KCNQ1: variants seen among roughly 807,000 people sequenced by gnomAD.
KCNQ1 encodes potassium voltage-gated channel subfamily Q member 1.
KCNQ1 carries 49 observed loss-of-function variants against 72.4 expected under a neutral mutation model. The observed-to-expected ratio is 0.68, with a 90% confidence interval of 0.54 to 0.86. The LOEUF (loss-of-function observed/expected upper bound fraction) is 0.86. KCNQ1 is among the 40% of genes least tolerant of loss of function. The pLI is 0.00. For synonymous variants in KCNQ1, 450 were observed against 412.6 expected, an observed-to-expected ratio of 1.09 and a Z score of -1.10; for missense variants, 790 against 945.1, an observed-to-expected ratio of 0.84 and a Z score of 2.15.
rs887187839 is a variant in KCNQ1 at position 2,682,515 on chromosome 11, C to T, written c.1514+20434C>T. ...GTGAGTGAGTGAGTGAGTACTTGTG[C>T]CCAGGTCAAACCAGGTGCTAGGACC... On this transcript the variant is annotated intron_variant, in intron 11 of 15. Coordinates refer to ENST00000155840, the MANE Select transcript of KCNQ1 (RefSeq NM_000218.3). The surrounding 1 kb of genome is among the most constrained non-coding windows in gnomAD (Gnocchi z 5.8). 1.4e-5 allele frequency: 5 copies of T among 353,922 alleles called. No individual in the cohort carries two copies. The highest frequency in any genetic ancestry group is 1.3e-4 in the African/African-American group (5 of 37,390). The allele number at this position is 353,922 out of a possible 1,614,324, so 21.9% of individuals were successfully genotyped here.
In KCNQ1 at chr11:2,668,318, T is replaced by C; in HGVS notation, c.1514+6237T>C. 1 of 398,654 alleles carries C rather than the reference T, an allele frequency of 2.5e-6. No individual in the cohort carries two copies. The highest frequency in any genetic ancestry group is 4.4e-6 in the Non-Finnish European group (1 of 226,088). The allele number at this position is 398,654 out of a possible 1,614,324, so 24.7% of individuals were successfully genotyped here. On this transcript the variant is annotated intron_variant, in intron 11 of 15. Coordinates refer to ENST00000155840, the MANE Select transcript of KCNQ1 (RefSeq NM_000218.3). This position sits in a 1 kb window ranked among gnomAD's most constrained non-coding sequence, Gnocchi z 4.3. ...TCAGGTTGCGTTTCTGGGGAATATATGCCTATGTGTGGAGCTGCAGGGTCC... is the reference window on the plus strand; with the variant it reads ...TCAGGTTGCGTTTCTGGGGAATATACGCCTATGTGTGGAGCTGCAGGGTCC...
At chr11:2,802,058 G>A (rs369130210) in intron 15 of KCNQ1, among the ~76,000 whole-genome samples, 172 of 152,344 alleles carry the variant, frequency 1.1e-3, no homozygotes, top group Non-Finnish European at 8.7e-4. Flanking sequence ...GCTGCGGAGC[G>A]GGGCGCGGTG....
At chr11:2,511,214 A>G (rs7952222) in intron 1 of KCNQ1, among the ~76,000 whole-genome samples, 118,191 of 152,114 alleles carry the variant, frequency 0.78, 46,220 homozygotes, top group African/African-American at 0.86. Flanking sequence ...CTTGGGTGTG[A>G]CTGTCACGGA....
At chr11:2,801,273 C>T (rs920272123) in intron 15 of KCNQ1, among the ~76,000 whole-genome samples, 20 of 152,350 alleles carry the variant, frequency 1.3e-4, no homozygotes, top group South Asian at 1.2e-3. Flanking sequence ...CTCGGGGTGC[C>T]GGACCCTGCC....
At chr11:2,629,704 T>C (rs1849321966) in intron 10 of KCNQ1, 1 of 398,392 alleles carries the variant, frequency 2.5e-6, no homozygotes, top group South Asian at 1.3e-4. Context: ...GAAATTGTTT[T>C]CTTAATTTGT....
chr11:2,835,833 G>A (rs1848052673), intron 15 of KCNQ1, among the ~76,000 whole-genome samples: 1 of 152,214 alleles, frequency 6.6e-6, no homozygotes, highest in African/African-American at 2.4e-5. Flanking sequence ...GGCTCAGCCT[G>A]CAGTGTCCAG....
intron 15 of KCNQ1, among the ~76,000 whole-genome samples, chr11:2,793,934 G>T (rs534453931): frequency 6.6e-6 from 1 of 152,326 alleles, no homozygotes; most frequent in East Asian, 1.9e-4. Context: ...GGAGCCCAGA[G>T]CCAACCAGGA....
intron 11 of KCNQ1, among the ~76,000 whole-genome samples, chr11:2,747,309 T>C (rs1035592466): frequency 2.0e-5 from 3 of 152,258 alleles, no homozygotes; most frequent in Non-Finnish European, 4.4e-5. Context: ...ATGGGACTTA[T>C]TTTGCTTCGT....
rs1018181208 is a variant in KCNQ1, at chr11:2,670,603, A to G, written c.1514+8522A>G. 5.0e-6 allele frequency: 2 copies of G among 398,372 alleles called. No homozygotes were observed. Among genetic ancestry groups the G allele is most frequent in the East Asian group, 7.1e-5 (2 of 28,058 alleles). The allele number at this position is 398,372 out of a possible 1,614,324, so 24.7% of individuals were successfully genotyped here. On this transcript the variant is annotated intron_variant, in intron 11 of 15. Coordinates refer to ENST00000155840, the MANE Select transcript of KCNQ1 (RefSeq NM_000218.3). The surrounding 1 kb of genome is among the most constrained non-coding windows in gnomAD (Gnocchi z 4.9). ...GAAGCCAGGGCTCATTCCCAGACAC[A>G]CAATCTCTGGGGGAGCCTGGATATG...
In KCNQ1 at chr11:2,516,376, C is replaced by T. The variant is rs1365750808; in HGVS notation, c.387-11552C>T. Among the ~76,000 whole-genome samples, 3 of 152,046 alleles carry T rather than the reference C, an allele frequency of 2.0e-5. No individual in the cohort carries two copies. Among genetic ancestry groups the T allele is most frequent in the African/African-American group, 7.2e-5 (3 of 41,392 alleles). On this transcript the variant is annotated intron_variant, in intron 1 of 15. Transcript: ENST00000155840. The surrounding 1 kb of genome is among the most constrained non-coding windows in gnomAD (Gnocchi z 7.0). ...CTCATGCCTGGGACCGCTGACCCAC[C>T]GGGATTCTTGGGGGCCACCATAGAG...
intron 2 of KCNQ1, among the ~76,000 whole-genome samples, chr11:2,554,100 G>A (rs906645751): frequency 2.7e-4 from 41 of 152,282 alleles, no homozygotes; most frequent in African/African-American, 9.1e-4. Context: ...TCACGAGGGC[G>A]TCACCTGCCA....
In KCNQ1 at chr11:2,648,852, CTAA is replaced by C. The variant is rs1221750779; in HGVS notation, c.1394-13103_1394-13101del. ...TGTATTGGGGTCTATCTCTTTAGCA[CTAA>C]TAATATTTGTTTAATATACCTGGGT... On this transcript the variant is annotated intron_variant, in intron 10 of 15. Transcript: ENST00000155840. The C allele has an allele frequency of 2.5e-4, 100 of 398,348 alleles. 2 individuals carry two copies. In the East Asian group the frequency reaches 3.5e-3, roughly 14 times the overall value. 24.7% of individuals were successfully genotyped at this position (398,348 alleles called of 1,614,324 possible).
chr11:2,802,596 G>A (rs1191728495), intron 15 of KCNQ1, among the ~76,000 whole-genome samples: 2 of 151,956 alleles, frequency 1.3e-5, no homozygotes, highest in Admixed American at 1.3e-4. Flanking sequence ...AGTGCCTCCT[G>A]GGTCCCCAGG....
At chr11:2,791,023 G>T (rs1202669896) in intron 15 of KCNQ1, among the ~76,000 whole-genome samples, 6 of 152,180 alleles carry the variant, frequency 3.9e-5, no homozygotes, top group Non-Finnish European at 7.4e-5. Context: ...GCCTGCCTGT[G>T]GGGGACAGTT....
intron 1 of KCNQ1, among the ~76,000 whole-genome samples, chr11:2,480,139 ACT>A (rs150893539): frequency 0.42 from 63,352 of 151,704 alleles, 15,866 homozygotes; most frequent in Non-Finnish European, 0.58. Context: ...GAAGTTCCAG[ACT>A]CTCCCACATT....
rs947102293 is a variant in KCNQ1, at chr11:2,663,074, C to A, written c.1514+993C>A. Reference sequence around the variant, plus strand: ...CCAGAGAACTGGCAGGGTTGGGTAGCCAGAATGAGGCCACCTCCAGGGAAG... The same window carrying A: ...CCAGAGAACTGGCAGGGTTGGGTAGACAGAATGAGGCCACCTCCAGGGAAG... On this transcript the variant is annotated intron_variant, in intron 11 of 15. Transcript: ENST00000155840. The surrounding 1 kb of genome is among the most constrained non-coding windows in gnomAD (Gnocchi z 5.2). 4 of 398,594 alleles carry A rather than the reference C, an allele frequency of 1.0e-5. No individual in the cohort carries two copies. Among genetic ancestry groups the A allele is most frequent in the Non-Finnish European group, 1.8e-5 (4 of 226,168 alleles). The allele number at this position is 398,594 out of a possible 1,614,324, so 24.7% of individuals were successfully genotyped here. A position where few individuals can be genotyped will look rare whatever the true frequency, so the allele number is the denominator to read the frequency against.
Position 2,653,227 on chromosome 11 carries a change from G to C in KCNQ1, c.1394-8734G>C. On this transcript the variant is annotated intron_variant, in intron 10 of 15. Transcript: ENST00000155840. The surrounding 1 kb of genome is among the most constrained non-coding windows in gnomAD (Gnocchi z 5.3). ...GCTAGGGCCAGGGCCTTGGCCTCAG[G>C]CCAGCTTCTTTCCCACAAGCCTTCT... The C allele has an allele frequency of 2.5e-6, 1 of 398,756 alleles. No homozygotes were observed. The highest frequency in any genetic ancestry group is 4.4e-6 in the Non-Finnish European group (1 of 226,122). The allele number at this position is 398,756 out of a possible 1,614,324, so 24.7% of individuals were successfully genotyped here.
chr11:2,689,913 T>C (rs1850561219), intron 11 of KCNQ1: 2 of 398,760 alleles, frequency 5.0e-6, no homozygotes, highest in Non-Finnish European at 4.4e-6. Context: ...TGCTCCAACT[T>C]CTGGTACTCC....
intron 1 of KCNQ1, among the ~76,000 whole-genome samples, chr11:2,460,406 C>T (rs527481403): frequency 1.2e-3 from 187 of 152,350 alleles, no homozygotes; most frequent in African/African-American, 4.4e-3. Context: ...CCCCAGGTGG[C>T]CCTGCGGGTA....
Sources: gnomAD v4.1 joint callset for allele counts (sites outside exome capture counted in the v4.1 genomes callset) on GRCh38, gnomAD v4.1.1 for gene constraint, Gnocchi (gnomAD v3.1) non-coding constraint, MANE v1.5 for transcripts, NCBI Gene and HGNC (gene_info 2026-07-23, HGNC 2026-07-21) for gene names.